SETD3: variants seen among roughly 807,000 people sequenced by gnomAD.
The protein encoded by SETD3 is SET domain containing 3, actin N3(tau)-histidine methyltransferase.
Under a neutral mutation model 63.0 loss-of-function variants are expected in SETD3, and 19 were observed. That is an observed-to-expected ratio of 0.30 (90% CI 0.21 to 0.44). SETD3 has a LOEUF of 0.44. Ranked by LOEUF, SETD3 falls within the 20% of genes least tolerant of loss-of-function variation. The pLI is 1.00. For missense variants in SETD3, 587 were observed against 728.5 expected, an observed-to-expected ratio of 0.81 and a Z score of 2.24; for synonymous variants, 286 against 264.1, an observed-to-expected ratio of 1.08 and a Z score of -0.80.
At chr14:99,405,163 C>T (rs374340487) in intron 10 of SETD3, 42 bp downstream of exon 10, 1 of 1,588,746 alleles carries the variant, frequency 6.3e-7, no homozygotes, top group African/African-American at 1.4e-5. Flanking sequence ...GGAAATAGTT[C>T]AAGTACTGCA....
chr14:99,410,457 G>A (rs1231223846), intron 8 of SETD3, among the ~76,000 whole-genome samples: 4 of 152,030 alleles, frequency 2.6e-5, no homozygotes, highest in African/African-American at 7.3e-5. Flanking sequence ...TGGTAGAGTC[G>A]CAGATTCAAA....
chr14:99,405,082 G>A (rs1338060000), intron 10 of SETD3, 123 bp downstream of exon 10: 77 of 1,331,912 alleles, frequency 5.8e-5, no homozygotes, highest in Non-Finnish European at 7.6e-5. Context: ...GCTGTGCCAC[G>A]GGGATAAACG....
At chr14:99,475,370 C>T (rs144870332) in intron 1 of SETD3, among the ~76,000 whole-genome samples, 4 of 152,324 alleles carry the variant, frequency 2.6e-5, no homozygotes, top group Non-Finnish European at 5.9e-5. Context: ...ACAGAGAGAG[C>T]GTGTTATTCC....
intron 1 of SETD3, among the ~76,000 whole-genome samples, chr14:99,472,306 G>A (rs1028611939): frequency 8.5e-5 from 13 of 152,182 alleles, no homozygotes; most frequent in African/African-American, 2.9e-4. Context: ...TTCAGTGTGA[G>A]GTGTTAGTAT....
rs971292003 is a variant in SETD3, at chr14:99,398,589, A to G, written c.*90T>C. 8.7e-6 allele frequency: 11 copies of G among 1,263,022 alleles called. No homozygotes were observed. The Admixed American group carries it at 1.8e-4, about 21-fold the overall frequency. The allele number at this position is 1,263,022 out of a possible 1,614,324, so 78.2% of individuals were successfully genotyped here. A position where few individuals can be genotyped will look rare whatever the true frequency, so the allele number is the denominator to read the frequency against. ...AAAACATATCTTCCTCTCTGCAGAA[A>G]GAAAAATGTTAACAAGGAAACACAG... On this transcript the variant is annotated 3_prime_UTR_variant, in exon 13 of 13. Coordinates refer to ENST00000331768, the MANE Select transcript of SETD3 (RefSeq NM_032233.3).
At chr14:99,428,250 G>GT (rs1224199440) in intron 6 of SETD3, among the ~76,000 whole-genome samples, 1 of 152,212 alleles carries the variant, frequency 6.6e-6, no homozygotes, top group African/African-American at 2.4e-5. Flanking sequence ...AGAGGTGTCA[G>GT]TAAGTTAGTA....
chr14:99,463,523 G>A lies in SETD3; in HGVS notation c.159C>T (p.Ile53=), dbSNP rs1206842196. ...TCCGTATTTTCTCAACCAGAGTCCG[G>A]ATCTGCACATACTCTTCCCACTCTT... is the stretch of plus-strand genomic sequence containing the variant. ...PGKEWEEYVQ[I]RTLVEKIRKK... Residue 53 remains isoleucine, a synonymous_variant, in exon 3 of 13, where the codon ATC becomes ATT. Coordinates refer to ENST00000331768, the MANE Select transcript of SETD3 (RefSeq NM_032233.3). The A allele has an allele frequency of 3.7e-6, 6 of 1,613,878 alleles. No individual in the cohort carries two copies. Among genetic ancestry groups the A allele is most frequent in the East Asian group, 4.5e-5 (2 of 44,902 alleles).
chr14:99,480,543 G>A (rs1896244011), intron 1 of SETD3, among the ~76,000 whole-genome samples, 185 bp downstream of exon 1: 3 of 150,806 alleles, frequency 2.0e-5, no homozygotes, highest in East Asian at 2.0e-4. Flanking sequence ...CCTGGCCCCC[G>A]AGCGCACACC....
intron 6 of SETD3, among the ~76,000 whole-genome samples, chr14:99,452,601 C>T (rs1429512638): frequency 6.6e-6 from 1 of 152,136 alleles, no homozygotes; most frequent in African/African-American, 2.4e-5. Context: ...ACAGAGAAAT[C>T]GACACAAAGA....
At chr14:99,451,933 A>T (rs182869969) in intron 6 of SETD3, among the ~76,000 whole-genome samples, 201 of 152,312 alleles carry the variant, frequency 1.3e-3, no homozygotes, top group Middle Eastern at 3.4e-3. Context: ...CTCATGAAGA[A>T]GATGTCAAGA....
At chr14:99,409,985 G>A (rs986432416) in intron 8 of SETD3, 17 of 440,838 alleles carry the variant, frequency 3.9e-5, no homozygotes, top group Non-Finnish European at 6.1e-5. Context: ...GGAGGCGGGG[G>A]GGTGAACCAA....
At chr14:99,403,559 A>C (rs1042795315) in intron 11 of SETD3, among the ~76,000 whole-genome samples, 5 of 152,034 alleles carry the variant, frequency 3.3e-5, no homozygotes, top group Admixed American at 6.6e-5. Context: ...GAAAAATAAA[A>C]ACACAACCAC....
intron 6 of SETD3, among the ~76,000 whole-genome samples, chr14:99,414,897 T>C (rs904644443): frequency 6.6e-6 from 1 of 152,246 alleles, no homozygotes; most frequent in Non-Finnish European, 1.5e-5. Context: ...CCATGTAGCC[T>C]GCAGTTTTCA....
At chr14:99,416,120 A>T (rs1002854127) in intron 6 of SETD3, among the ~76,000 whole-genome samples, 18 of 152,188 alleles carry the variant, frequency 1.2e-4, no homozygotes, top group East Asian at 1.9e-4. Flanking sequence ...ATTCATAATT[A>T]AAAAATATTT....
chr14:99,405,234 G>T lies in SETD3; in HGVS notation c.1062C>A (p.Ala354=), dbSNP rs772083840. ...GGATGCCGGCACGAGCCAAGACCTC[G>T]GCCTTCATGGCGTAGAGTCTGTCAC... The part of the protein sequence containing the change: ...SKSDRLYAMK[A]EVLARAGIPT... Residue 354 remains alanine (A), a synonymous_variant, in exon 10 of 13, where the codon GCC becomes GCA. Coordinates refer to ENST00000331768, the MANE Select transcript of SETD3 (RefSeq NM_032233.3). The T allele has an allele frequency of 6.2e-7, 1 of 1,613,860 alleles. No individual in the cohort carries two copies. The highest frequency in any genetic ancestry group is 8.5e-7 in the Non-Finnish European group (1 of 1,179,896).
rs765565722 is a variant in SETD3, at chr14:99,398,921, C to G, written c.1543G>C (p.Gly515Arg). ...AAGACCAGGGGGAGCCTCGAGTCCC[C>G]CACGCTGCTCTCCAACAGCCCAAGG... Reference protein sequence around the residue: ...SNLGLLESSVGDSRLPLVLRN... With the variant: ...SNLGLLESSVRDSRLPLVLRN... Residue 515 changes from glycine (G) to arginine (R), a missense_variant, in exon 13 of 13, where the codon GGG (glycine) becomes CGG (arginine). Gly to Arg is a moderately radical substitution (Grantham distance 125). Coordinates refer to ENST00000331768, the MANE Select transcript of SETD3 (RefSeq NM_032233.3). 8.1e-6 allele frequency: 13 copies of G among 1,613,900 alleles called. No individual in the cohort carries two copies. The highest frequency in any genetic ancestry group is 1.0e-5 in the Non-Finnish European group (12 of 1,179,920).
At chr14:99,410,690 G>A (rs932004920) in intron 8 of SETD3, among the ~76,000 whole-genome samples, 1 of 152,180 alleles carries the variant, frequency 6.6e-6, no homozygotes, top group Non-Finnish European at 1.5e-5. Context: ...TCTCTGAGTG[G>A]CTAGGAAATT....
intron 12 of SETD3, among the ~76,000 whole-genome samples, chr14:99,399,447 ATG>A (rs11471223): frequency 0.4 from 60,297 of 151,984 alleles, 12,805 homozygotes; most frequent in East Asian, 0.56. Flanking sequence ...TTGGGCACTG[ATG>A]TAGCCCCAGG....
chr14:99,414,676 C>T (rs1295121374), intron 6 of SETD3, among the ~76,000 whole-genome samples: 1 of 152,214 alleles, frequency 6.6e-6, no homozygotes, highest in East Asian at 1.9e-4. Context: ...ATTCTCTCTT[C>T]ACCACGTCCT....
Sources: gnomAD v4.1 joint callset for allele counts (sites outside exome capture counted in the v4.1 genomes callset) on GRCh38, gnomAD v4.1.1 for gene constraint, MANE v1.5 for transcripts, NCBI Gene and HGNC (gene_info 2026-07-23, HGNC 2026-07-21) for gene names.